Variants in SBK1 observed in about 807,000 individuals in gnomAD.
SBK1 encodes SH3 domain binding kinase 1.
SBK1 carries 11 observed loss-of-function variants against 24.4 expected under a neutral mutation model. That is an observed-to-expected ratio of 0.45 (90% confidence interval 0.28 to 0.75). The LOEUF (loss-of-function observed/expected upper bound fraction) is 0.75. Among genes scored for constraint, SBK1 ranks in the 30% least tolerant of loss-of-function variants. SBK1 has a pLI of 0.12. For missense variants in SBK1, 467 were observed against 620.5 expected (o/e 0.75, Z 2.63); for synonymous variants, 308 against 284.4 (o/e 1.08, Z -0.83).
At chr16:28,309,892 G>A (rs188644391) in intron 1 of SBK1, among the ~76,000 whole-genome samples, 1 of 152,220 alleles carries the variant, frequency 6.6e-6, no homozygotes, top group Non-Finnish European at 1.5e-5. Context: ...GTGGATGCTT[G>A]TGCATCCGTG....
intron 1 of SBK1, among the ~76,000 whole-genome samples, chr16:28,313,353 G>A (rs1324686911): frequency 6.6e-6 from 1 of 151,372 alleles, no homozygotes; most frequent in East Asian, 2.0e-4. Context: ...GTTCACACCT[G>A]TAATCCCAGC....
At chr16:28,275,275 C>T (rs148937071) in intron 1 of SBK1, among the ~76,000 whole-genome samples, 9,918 of 152,112 alleles carry the variant, frequency 0.065, 598 homozygotes, top group Admixed American at 0.2. Context: ...CACCAATGCA[C>T]ACCAGCCTGG....
intron 1 of SBK1, among the ~76,000 whole-genome samples, chr16:28,299,569 T>G (rs1049356810): frequency 2.6e-5 from 4 of 152,112 alleles, no homozygotes; most frequent in Non-Finnish European, 5.9e-5. Context: ...GTGAGAACTG[T>G]GTCAGGGAGG....
In SBK1 at chr16:28,260,084, TTGTGTG is replaced by T. The variant is rs71140958; in HGVS notation, c.257+600_257+605del. Among the ~76,000 whole-genome samples, 7 of 149,940 alleles carry T rather than the reference TTGTGTG, an allele frequency of 4.7e-5. No homozygotes were observed. The East Asian group carries it at 7.9e-4, about 17-fold the overall frequency. ...CGAAAATGCATGCATGTGTATTTGC[TTGTGTG>T]TGTGTGTGTGTGTGTGTAAAAGAGA... On this transcript the variant is annotated intron_variant, in intron 1 of 3. Transcript: ENST00000671413.
intron 1 of SBK1, among the ~76,000 whole-genome samples, chr16:28,275,546 A>T (rs1444689106): frequency 6.6e-6 from 1 of 152,036 alleles, no homozygotes; most frequent in Non-Finnish European, 1.5e-5. Flanking sequence ...GGTCAGGAGG[A>T]GACGCCAGAG....
rs1466527177 is a variant in SBK1, at chr16:28,317,687, A to T, written c.226+70A>T. On this transcript the variant is annotated intron_variant, in intron 2 of 3. Coordinates refer to ENST00000341901, the MANE Select transcript of SBK1 (RefSeq NM_001024401.3). This position sits in a 1 kb window ranked among gnomAD's most constrained non-coding sequence, Gnocchi z 4.2. ...AGGGCTGGGAGGTCAGGGTTGGGGGACATGACCTTGCAGCTGGGCCGGGGC... is the reference window on the plus strand; with the variant it reads ...AGGGCTGGGAGGTCAGGGTTGGGGGTCATGACCTTGCAGCTGGGCCGGGGC... The T allele has an allele frequency of 1.8e-6, 2 of 1,086,552 alleles. No homozygotes were observed. Among genetic ancestry groups the T allele is most frequent in the Admixed American group, 3.8e-5 (2 of 53,268 alleles). 67.3% of individuals were successfully genotyped at this position (1,086,552 alleles called of 1,614,324 possible). A position where few individuals can be genotyped will look rare whatever the true frequency, so the allele number is the denominator to read the frequency against.
intron 1 of SBK1, among the ~76,000 whole-genome samples, chr16:28,261,467 ACACACACACAC>A (rs2044397139): frequency 2.7e-5 from 4 of 147,850 alleles, no homozygotes; most frequent in African/African-American, 1.0e-4. Context: ...ACACACACAC[ACACACACACAC>A]AATTAGCCAG....
intron 1 of SBK1, among the ~76,000 whole-genome samples, chr16:28,307,034 A>C (rs1056561079): frequency 1.3e-5 from 2 of 152,142 alleles, no homozygotes; most frequent in Non-Finnish European, 2.9e-5. Context: ...CTCTCCCTCC[A>C]GCAGCCCCAG....
In SBK1 at chr16:28,292,947, C is replaced by A; in HGVS notation, c.-361C>A. 1.0e-6 allele frequency: 1 copy of A among 975,464 alleles called. No homozygotes were observed. The highest frequency in any genetic ancestry group is 1.2e-6 in the Non-Finnish European group (1 of 820,926). 60.4% of individuals were successfully genotyped at this position (975,464 alleles called of 1,614,324 possible). On this transcript the variant is annotated 5_prime_UTR_variant, in exon 1 of 4. Transcript: ENST00000341901. ...CCCCAAGACCTAGAACGCAGTGCCC[C>A]CAGGCCGGGATTGCGAGAACCCCCT...
In SBK1 at chr16:28,319,663, G is replaced by C. The variant is rs1402557498; in HGVS notation, c.430-413G>C. ...TTTGCTGAGCACCTACTACATGCCA[G>C]AATCTGGAGACACAGATGCACGGAC... On this transcript the variant is annotated intron_variant, in intron 3 of 3. Coordinates refer to ENST00000341901, the MANE Select transcript of SBK1 (RefSeq NM_001024401.3). The surrounding 1 kb of genome is among the most constrained non-coding windows in gnomAD (Gnocchi z 4.0). Among the ~76,000 whole-genome samples, 1 of 152,178 alleles carries C rather than the reference G, an allele frequency of 6.6e-6. No homozygotes were observed. The highest frequency in any genetic ancestry group is 1.5e-5 in the Non-Finnish European group (1 of 68,040).
intron 1 of SBK1, among the ~76,000 whole-genome samples, chr16:28,305,552 TAGAG>T (rs2044710854): frequency 6.7e-6 from 1 of 148,970 alleles, no homozygotes; most frequent in Non-Finnish European, 1.5e-5. Flanking sequence ...TTTTTTTTTT[TAGAG>T]AGACTTTCTC....
intron 1 of SBK1, among the ~76,000 whole-genome samples, chr16:28,283,990 C>T (rs2044549133): frequency 6.6e-6 from 1 of 152,226 alleles, no homozygotes; most frequent in Non-Finnish European, 1.5e-5. Context: ...TATCAATACC[C>T]CAGCTCCTTT....
In SBK1 at chr16:28,293,381, G is replaced by A. The variant is rs958654174; in HGVS notation, c.-8+81G>A. 2.4e-5 allele frequency: 17 copies of A among 707,864 alleles called. No homozygotes were observed. The African/African-American group carries it at 2.7e-4, about 11-fold the overall frequency. The allele number at this position is 707,864 out of a possible 1,614,324, so 43.8% of individuals were successfully genotyped here. On this transcript the variant is annotated intron_variant, in intron 1 of 3. Transcript: ENST00000341901. ...CCCTGCAGGTGGGGAAGGAAGTATC[G>A]GGTTGCGCGCTCCCCCTTCCCCAGC...
rs1289930913 is a variant in SBK1 at position 28,320,775 on chromosome 16, G to T, written c.1129G>T (p.Val377Leu). ...CGCCGTCGGGTCGGTGCCCTTGCCC[G>T]TGCCGGTGCCGGTGCCAGTGCCCGT... ...PPAVGSVPLP[V>L]PVPVPVPVPV... is the part of the protein sequence containing the mutation. Residue 377 changes from valine to leucine, a missense_variant, in exon 4 of 4, where the codon GTG becomes TTG. Val to Leu is a conservative substitution (Grantham distance 32, BLOSUM62 1). Around this residue, in one of 4 missense-constraint regions of SBK1, gnomAD observed 166 missense variants for 146.8 expected, o/e 1.13. Transcript: ENST00000341901. This position sits in a 1 kb window ranked among gnomAD's most constrained non-coding sequence, Gnocchi z 8.5. 2.9e-6 allele frequency: 4 copies of T among 1,400,362 alleles called. No homozygotes were observed. In the Admixed American group the frequency reaches 1.0e-4, roughly 35 times the overall value. 86.7% of individuals were successfully genotyped at this position (1,400,362 alleles called of 1,614,324 possible). A position where few individuals can be genotyped will look rare whatever the true frequency, so the allele number is the denominator to read the frequency against.
chr16:28,263,510 C>T (rs564497892), intron 1 of SBK1, among the ~76,000 whole-genome samples: 18 of 152,150 alleles, frequency 1.2e-4, no homozygotes, highest in African/African-American at 4.1e-4. Context: ...GGCAGGAGCA[C>T]GGGGAGGGCT....
At chr16:28,265,701 C>T (rs953202725) in intron 1 of SBK1, among the ~76,000 whole-genome samples, 25 of 152,128 alleles carry the variant, frequency 1.6e-4, no homozygotes, top group Admixed American at 5.9e-4. Flanking sequence ...AAGCCTGGCA[C>T]GGTGGCTCAC....
chr16:28,306,194 G>C (rs2044715453), intron 1 of SBK1, among the ~76,000 whole-genome samples: 1 of 152,130 alleles, frequency 6.6e-6, no homozygotes, highest in Admixed American at 6.6e-5. Context: ...ACCCTGGGCT[G>C]CAAAGCTGCA....
intron 1 of SBK1, among the ~76,000 whole-genome samples, chr16:28,281,622 C>G (rs1027341624): frequency 6.6e-6 from 1 of 152,156 alleles, no homozygotes; most frequent in African/African-American, 2.4e-5. Flanking sequence ...GTTCAAGTCC[C>G]AGCTAGGGTG....
intron 1 of SBK1, among the ~76,000 whole-genome samples, chr16:28,284,212 G>C (rs1158129384): frequency 6.6e-6 from 1 of 152,232 alleles, no homozygotes; most frequent in Non-Finnish European, 1.5e-5. Flanking sequence ...CTCAGGGTCA[G>C]TTTCTGGGAA....
Sources: gnomAD v4.1 joint callset for allele counts (sites outside exome capture counted in the v4.1 genomes callset) on GRCh38, gnomAD v4.1.1 for gene constraint, gnomAD v4.1.1 regional missense constraint, Gnocchi (gnomAD v3.1) non-coding constraint, MANE v1.5 for transcripts, NCBI Gene and HGNC (gene_info 2026-07-23, HGNC 2026-07-21) for gene names.